Variants in PIK3R3 observed in about 807,000 individuals in gnomAD.
PIK3R3 encodes the protein phosphoinositide-3-kinase regulatory subunit 3.
A neutral mutation model predicts 62.9 loss-of-function variants in PIK3R3; 64 were observed. The observed-to-expected ratio is 1.02, with a 90% CI of 0.83 to 1.25. The LOEUF is 1.25. Ranked by LOEUF, PIK3R3 falls within the 50% of genes most tolerant of loss-of-function variation. The pLI, the probability that PIK3R3 is intolerant of heterozygous loss-of-function variation, is 0.00. For synonymous variants in PIK3R3, 165 were observed against 189.0 expected, an observed-to-expected ratio of 0.87 and a Z score of 1.04; for missense variants, 614 against 561.6, an observed-to-expected ratio of 1.09 and a Z score of -0.94.
upstream of PIK3R3, chr1:46,132,675 C>G (rs765154447): frequency 2.3e-6 from 3 of 1,289,618 alleles, no homozygotes; most frequent in Non-Finnish European, 2.0e-6. Context: ...GGAGGGGACA[C>G]CCTCCCCGCC....
rs1201126067 is a variant in PIK3R3 at position 46,043,664 on chromosome 1, A to G, written c.*9T>C. On this transcript the variant is annotated 3_prime_UTR_variant, in exon 10 of 10. Coordinates refer to ENST00000262741, the MANE Select transcript of PIK3R3 (RefSeq NM_003629.4). ...ATGCCAGAGAACCACCTCTCTTCCC[A>G]CTTCCTCTTTATCTGCAAAGCGAGG... The G allele has an allele frequency of 6.2e-7, 1 of 1,613,148 alleles. No homozygotes were observed. The highest frequency in any genetic ancestry group is 8.5e-7 in the Non-Finnish European group (1 of 1,179,258).
intron 7 of PIK3R3, among the ~76,000 whole-genome samples, chr1:46,053,885 T>C (rs1377624332): frequency 1.3e-5 from 2 of 152,152 alleles, no homozygotes; most frequent in African/African-American, 4.8e-5. Context: ...TTTCTTCAGC[T>C]TCATGATGTG....
At chr1:46,122,555 A>C (rs1389781940) in intron 1 of PIK3R3, among the ~76,000 whole-genome samples, 1 of 152,070 alleles carries the variant, frequency 6.6e-6, no homozygotes, top group Non-Finnish European at 1.5e-5. Context: ...TTTAGTAGAG[A>C]TAGGGTTTCA....
chr1:46,067,256 A>G (rs1376455224), intron 3 of PIK3R3, among the ~76,000 whole-genome samples, 165 bp from the exon 4 acceptor site: 1 of 140,894 alleles, frequency 7.1e-6, no homozygotes, highest in African/African-American at 2.8e-5. Context: ...GTGTGAACAT[A>G]TATATATATA....
chr1:46,064,269 G>A (rs926764745), intron 5 of PIK3R3, among the ~76,000 whole-genome samples: 2 of 152,016 alleles, frequency 1.3e-5, no homozygotes, highest in Admixed American at 6.6e-5. Flanking sequence ...GGCCAGGCAC[G>A]GTGGCTCACG....
upstream of PIK3R3, chr1:46,133,134 C>A (rs993304775): frequency 7.6e-5 from 48 of 635,256 alleles, no homozygotes; most frequent in Non-Finnish European, 9.2e-5. Flanking sequence ...AGACAGCCGG[C>A]GCCGGCCGGT....
intron 3 of PIK3R3, among the ~76,000 whole-genome samples, chr1:46,070,699 A>T (rs1177586427): frequency 2.0e-5 from 3 of 152,192 alleles, no homozygotes; most frequent in African/African-American, 4.8e-5. Context: ...TGAATTTAAT[A>T]CCGTGTTGGA....
the PIK3R3 span, among the ~76,000 whole-genome samples, chr1:46,153,928 G>A: frequency 1.3e-5 from 2 of 152,196 alleles, no homozygotes; most frequent in African/African-American, 4.8e-5. Flanking sequence ...ACTTTTCCTG[G>A]AGAGGATAGG....
chr1:46,103,125 T>C (rs756131182), intron 1 of PIK3R3, among the ~76,000 whole-genome samples: 5 of 152,104 alleles, frequency 3.3e-5, no homozygotes, highest in Non-Finnish European at 7.4e-5. Flanking sequence ...GACAAAATCA[T>C]AGAAACAAAG....
the PIK3R3 span, among the ~76,000 whole-genome samples, chr1:46,146,841 T>C: frequency 6.6e-6 from 1 of 151,902 alleles, no homozygotes; most frequent in Non-Finnish European, 1.5e-5. Flanking sequence ...CACAGTCAAA[T>C]GCCACCATAA....
intron 1 of PIK3R3, among the ~76,000 whole-genome samples, chr1:46,114,689 C>A (rs1471307820): frequency 6.6e-6 from 1 of 151,744 alleles, no homozygotes; most frequent in Non-Finnish European, 1.5e-5. Flanking sequence ...AGTGTAGCCT[C>A]GACCTCCCAG....
At chr1:46,045,663 T>C (rs1482603171) in intron 9 of PIK3R3, among the ~76,000 whole-genome samples, 1 of 126,352 alleles carries the variant, frequency 7.9e-6, no homozygotes, top group Non-Finnish European at 1.6e-5. Flanking sequence ...GATCTCACAT[T>C]ACCTTTCACA....
At chr1:46,158,877 G>A in the PIK3R3 span, among the ~76,000 whole-genome samples, 1 of 152,146 alleles carries the variant, frequency 6.6e-6, no homozygotes, top group East Asian at 1.9e-4. Context: ...CACGAGGTCA[G>A]GAGTTCGAGA....
chr1:46,141,490 T>G, the PIK3R3 span, among the ~76,000 whole-genome samples: 1 of 151,992 alleles, frequency 6.6e-6, no homozygotes. Flanking sequence ...AGGCTGGTCT[T>G]GAACTCCTGA....
At chr1:46,157,002 C>A in the PIK3R3 span, among the ~76,000 whole-genome samples, 1 of 152,202 alleles carries the variant, frequency 6.6e-6, no homozygotes, top group South Asian at 2.1e-4. Context: ...TTCTATCTGT[C>A]AATAGGAAAA....
At chr1:46,046,845 G>T in intron 7 of PIK3R3, 1 of 552,424 alleles carries the variant, frequency 1.8e-6, no homozygotes. Context: ...AAACATAGAG[G>T]GCTACTTGAA....
At chr1:46,105,746 C>CG (rs1653141654) in intron 1 of PIK3R3, among the ~76,000 whole-genome samples, 1 of 129,884 alleles carries the variant, frequency 7.7e-6, no homozygotes, top group African/African-American at 2.8e-5. Flanking sequence ...GCTTGAACCC[C>CG]GGGGCTGGGG....
At chr1:46,139,980 CA>C in the PIK3R3 span, among the ~76,000 whole-genome samples, 1 of 152,000 alleles carries the variant, frequency 6.6e-6, no homozygotes, top group Non-Finnish European at 1.5e-5. Context: ...AACTGCTCCC[CA>C]TCTGAAATTT....
At chr1:46,132,802 C>T, upstream of PIK3R3, 4 of 1,244,974 alleles carry the variant, frequency 3.2e-6, no homozygotes, top group Non-Finnish European at 4.1e-6. Context: ...TGTCAAGTGC[C>T]TGAGAACATG....
Sources: gnomAD v4.1 joint callset for allele counts (sites outside exome capture counted in the v4.1 genomes callset) on GRCh38, gnomAD v4.1.1 for gene constraint, MANE v1.5 for transcripts, NCBI Gene and HGNC (gene_info 2026-07-23, HGNC 2026-07-21) for gene names.